MTAP: variants seen among roughly 807,000 people sequenced by gnomAD.
MTAP encodes the protein S-methyl-5'-thioadenosine phosphorylase.
Under a neutral mutation model 33.6 loss-of-function variants are expected in MTAP, and 33 were observed. That is an observed-to-expected ratio of 0.98 (90% CI 0.74 to 1.31). MTAP has a LOEUF of 1.31. Among genes scored for constraint, MTAP ranks in the 40% most tolerant of loss-of-function variants. The pLI is 0.00. For missense variants in MTAP, 367 were observed against 360.0 expected (o/e 1.02, Z -0.16); for synonymous variants, 148 against 125.7 (o/e 1.18, Z -1.19).
intron 5 of MTAP, among the ~76,000 whole-genome samples, chr9:21,844,384 C>T (rs369306052): frequency 1.3e-5 from 2 of 152,120 alleles, no homozygotes; most frequent in African/African-American, 2.4e-5. Flanking sequence ...TTCTGTGAAG[C>T]CAGTATCCCC....
chr9:21,825,102 G>A (rs535478203), intron 4 of MTAP, among the ~76,000 whole-genome samples: 6 of 152,176 alleles, frequency 3.9e-5, no homozygotes, highest in Admixed American at 1.3e-4. Context: ...GGCTGCACCC[G>A]CTCTCCGGCA....
chr9:21,910,479 A>G (rs978464938), intron 1 of MTAP, among the ~76,000 whole-genome samples: 1 of 152,188 alleles, frequency 6.6e-6, no homozygotes, highest in Admixed American at 6.5e-5. Flanking sequence ...TCTTTGAGGA[A>G]GATTCCAGCT....
At chr9:21,903,930 G>A (rs1204820989) in intron 1 of MTAP, among the ~76,000 whole-genome samples, 1 of 152,192 alleles carries the variant, frequency 6.6e-6, no homozygotes, top group African/African-American at 2.4e-5. Flanking sequence ...AAGGACAGAG[G>A]ATTTCTGTAT....
intron 4 of MTAP, among the ~76,000 whole-genome samples, chr9:21,824,744 T>C (rs1484534263): frequency 6.6e-6 from 1 of 152,166 alleles, no homozygotes; most frequent in Non-Finnish European, 1.5e-5. Flanking sequence ...TGTGGTGGGC[T>C]CCACCCAGTT....
chr9:21,818,392 A>T (rs1299691196), intron 4 of MTAP, among the ~76,000 whole-genome samples, 190 bp downstream of exon 4: 3 of 142,094 alleles, frequency 2.1e-5, no homozygotes, highest in African/African-American at 8.0e-5. Context: ...CAGTGGCATG[A>T]ACTCAGCTCA....
downstream of MTAP, among the ~76,000 whole-genome samples, chr9:21,939,307 T>C (rs35148759): frequency 0.12 from 18,282 of 152,248 alleles, 1,393 homozygotes; most frequent in African/African-American, 0.22. Context: ...TGGGATAAAA[T>C]GTATTGATAA....
At chr9:21,845,533 T>A (rs1407439428) in intron 5 of MTAP, among the ~76,000 whole-genome samples, 1 of 152,112 alleles carries the variant, frequency 6.6e-6, no homozygotes, top group Non-Finnish European at 1.5e-5. Flanking sequence ...TACAAAAAAA[T>A]GGAAACATAC....
chr9:21,902,537 A>G (rs1022939222), intron 1 of MTAP, among the ~76,000 whole-genome samples: 1 of 152,368 alleles, frequency 6.6e-6, no homozygotes, highest in East Asian at 1.9e-4. Context: ...TCCACTTTCA[A>G]GTTTTCTACA....
chr9:21,861,992 C>T lies in MTAP; in HGVS notation c.830C>T (p.Ser277Phe). Residue 277 changes from serine (S) to phenylalanine (F), a missense_variant, in exon 8 of 8, where the codon TCT becomes TTT. By Grantham distance (155) the Ser-to-Phe change is radical (BLOSUM62 -2). Coordinates refer to ENST00000644715, the MANE Select transcript of MTAP (RefSeq NM_002451.4). ...LHNLKNMAQF[S>F]VLLPRH ...TCCTTTCAGAATATGGCCCAGTTTTCTGTTTTATTACCAAGACATTAAAGT... is the reference window on the plus strand; with the variant it reads ...TCCTTTCAGAATATGGCCCAGTTTTTTGTTTTATTACCAAGACATTAAAGT... The T allele has an allele frequency of 6.2e-7, 1 of 1,602,024 alleles. No homozygotes were observed. Among genetic ancestry groups the T allele is most frequent in the Non-Finnish European group, 8.5e-7 (1 of 1,169,706 alleles).
At chr9:21,921,090 C>T (rs949578216) in intron 1 of MTAP, among the ~76,000 whole-genome samples, 2 of 151,804 alleles carry the variant, frequency 1.3e-5, no homozygotes, top group Non-Finnish European at 2.9e-5. Flanking sequence ...CTTGTTTGTT[C>T]AAGTTATTTT....
intron 1 of MTAP, among the ~76,000 whole-genome samples, chr9:21,906,635 T>A (rs1563866183): frequency 6.6e-6 from 1 of 152,140 alleles, no homozygotes. Context: ...CTTTGCCAAA[T>A]TATAGAAACA....
chr9:21,934,005 T>C (rs1161377579), downstream of MTAP: 2 of 152,242 alleles, frequency 1.3e-5, no homozygotes, highest in Non-Finnish European at 2.9e-5. The surrounding 1 kb of genome is among the most constrained non-coding windows in gnomAD (Gnocchi z 5.0). Flanking sequence ...TAAAGAAGTT[T>C]AATTGAGCAA....
intron 4 of MTAP, among the ~76,000 whole-genome samples, chr9:21,832,685 C>T (rs1368500957): frequency 2.0e-5 from 3 of 152,182 alleles, no homozygotes; most frequent in African/African-American, 7.2e-5. Flanking sequence ...TGTTCCATAA[C>T]CTAGTTGTGT....
downstream of MTAP, among the ~76,000 whole-genome samples, chr9:21,937,986 CTGGCAGCCCAGCGTGG>C (rs1819067458): frequency 6.6e-6 from 1 of 151,960 alleles, no homozygotes; most frequent in South Asian, 2.1e-4. Flanking sequence ...AAAAATTAGC[CTGGCAGCCCAGCGTGG>C]TGGCTCATGC....
intron 1 of MTAP, among the ~76,000 whole-genome samples, chr9:21,808,600 A>G (rs933265514): frequency 3.7e-5 from 4 of 109,030 alleles, no homozygotes; most frequent in Admixed American, 9.2e-5. Context: ...TCCAAAAAAA[A>G]AAAAAACACA....
intron 1 of MTAP, among the ~76,000 whole-genome samples, chr9:21,906,082 T>C (rs1315725588): frequency 1.3e-5 from 2 of 152,042 alleles, no homozygotes; most frequent in Non-Finnish European, 2.9e-5. Flanking sequence ...TCTAAAGAAT[T>C]CACCTAAAAC....
At chr9:21,890,867 A>G (rs933576914) in intron 1 of MTAP, among the ~76,000 whole-genome samples, 9 of 152,154 alleles carry the variant, frequency 5.9e-5, no homozygotes, top group Non-Finnish European at 7.3e-5. Context: ...TTTTCCTGGT[A>G]CATTCTTGTG....
intron 1 of MTAP, among the ~76,000 whole-genome samples, chr9:21,905,606 T>A (rs1818464094): frequency 6.6e-6 from 1 of 151,528 alleles, no homozygotes; most frequent in Admixed American, 6.6e-5. Context: ...AACACTGTGT[T>A]AAGTGCATAG....
At chr9:21,899,574 C>T (rs531708240) in intron 1 of MTAP, among the ~76,000 whole-genome samples, 22 of 152,124 alleles carry the variant, frequency 1.4e-4, no homozygotes, top group African/African-American at 4.8e-4. Flanking sequence ...GGAAGGTGAA[C>T]GGGAAGCAAG....
Sources: gnomAD v4.1 joint callset for allele counts (sites outside exome capture counted in the v4.1 genomes callset) on GRCh38, gnomAD v4.1.1 for gene constraint, Gnocchi (gnomAD v3.1) non-coding constraint, MANE v1.5 for transcripts, NCBI Gene and HGNC (gene_info 2026-07-23, HGNC 2026-07-21) for gene names.